Variants in SLC26A2 observed in about 807,000 individuals in gnomAD.
SLC26A2 encodes sulfate transporter.
SLC26A2 carries 36 observed loss-of-function variants against 41.1 expected under a neutral mutation model. The ratio of observed to expected loss-of-function variants is 0.88; its 90% CI spans 0.67 to 1.16. The LOEUF (loss-of-function observed/expected upper bound fraction) is 1.16. Ranked by LOEUF, SLC26A2 falls within the 50% of genes most tolerant of loss-of-function variation. The pLI is 0.00. For synonymous variants in SLC26A2, 291 were observed against 311.6 expected (o/e 0.93, Z 0.70); for missense variants, 796 against 869.6 (o/e 0.92, Z 1.07).
At chr5:149,970,616 C>T (rs1321026259) in intron 1 of SLC26A2, among the ~76,000 whole-genome samples, 1 of 152,114 alleles carries the variant, frequency 6.6e-6, no homozygotes, top group Non-Finnish European at 1.5e-5. Context: ...TACAGTGACC[C>T]TAAGAATGGA....
In SLC26A2 at chr5:149,981,095, T is replaced by C; in HGVS notation, c.1502T>C (p.Leu501Pro). ...GGAGCCCTTCGTAAATTTAGGGATC[T>C]TCCCAAAATGTGGAGTATTAGTAGA... The part of the protein sequence containing the change: ...LRGALRKFRD[L>P]PKMWSISRMD... Residue 501 changes from leucine to proline, a missense_variant, in exon 3 of 3, where the codon CTT becomes CCT. Physicochemically the swap from Leu to Pro is moderately conservative, Grantham distance 98. Coordinates refer to ENST00000286298, the MANE Select transcript of SLC26A2 (RefSeq NM_000112.4). The C allele has an allele frequency of 1.2e-6, 2 of 1,614,140 alleles. No homozygotes were observed. The highest frequency in any genetic ancestry group is 1.1e-5 in the South Asian group (1 of 91,076).
Position 149,974,276 on chromosome 5 carries a change from C to T in SLC26A2, c.-25-3352C>T, listed in dbSNP as rs184703462. On this transcript the variant is annotated intron_variant, in intron 1 of 2. Coordinates refer to ENST00000286298, the MANE Select transcript of SLC26A2 (RefSeq NM_000112.4). ...TCTGTATAAGTAATATATGTTTTTT[C>T]TTTGTCTTCAGGATTTTCTCTTTAT... Among the ~76,000 whole-genome samples, 486 of 151,994 alleles carry T rather than the reference C, an allele frequency of 3.2e-3. 3 individuals carry two copies. Among genetic ancestry groups the T allele is most frequent in the African/African-American group, 0.011 (466 of 41,490 alleles).
rs1194834917 is a variant in SLC26A2 at position 149,960,820 on chromosome 5, C to G, written c.-185C>G. The stretch of plus-strand genomic sequence containing the variant: ...TGCGTCCTCGCCGCGCCCGTAGGTC[C>G]CGGCAGCCGGGCCCCGCCTCCTTCG... On this transcript the variant is annotated 5_prime_UTR_variant, in exon 1 of 3. Coordinates refer to ENST00000286298, the MANE Select transcript of SLC26A2 (RefSeq NM_000112.4). The G allele has an allele frequency of 6.6e-6, 1 of 152,364 alleles. No individual in the cohort carries two copies. Among genetic ancestry groups the G allele is most frequent in the African/African-American group, 2.4e-5 (1 of 41,472 alleles). 9.4% of individuals were successfully genotyped at this position (152,364 alleles called of 1,614,324 possible). A position where few individuals can be genotyped will look rare whatever the true frequency, so the allele number is the denominator to read the frequency against.
Position 149,981,327 on chromosome 5 carries a change from C to A in SLC26A2, c.1734C>A (p.Ile578=), listed in dbSNP as rs781306656. The part of the protein sequence containing the change: ...AYKNLQIKPG[I]KIFRFVAPLY... Reference sequence around the variant, plus strand: ...AGAACCTTCAGATTAAGCCAGGCATCAAGATTTTCCGCTTTGTAGCCCCTC... The same window carrying A: ...AGAACCTTCAGATTAAGCCAGGCATAAAGATTTTCCGCTTTGTAGCCCCTC... The change falls in exon 3 of 3, where the codon ATC becomes ATA. Residue 578 remains isoleucine (I), a synonymous_variant. Coordinates refer to ENST00000286298, the MANE Select transcript of SLC26A2 (RefSeq NM_000112.4). 6.2e-7 allele frequency: 1 copy of A among 1,614,112 alleles called. No homozygotes were observed. The highest frequency in any genetic ancestry group is 8.5e-7 in the Non-Finnish European group (1 of 1,179,992).
rs910396619 is a variant in SLC26A2, at chr5:149,984,929, T to A, written c.*3116T>A. On this transcript the variant is annotated 3_prime_UTR_variant, in exon 3 of 3. Coordinates refer to ENST00000286298, the MANE Select transcript of SLC26A2 (RefSeq NM_000112.4). ...GTTTGTTACAGCCAAAGGGTTGGAG[T>A]GTGCCAGTGCACAGGTAGACTAAGG... 1.1e-4 allele frequency: 16 copies of A among 152,222 alleles called. No individual in the cohort carries two copies. The highest frequency in any genetic ancestry group is 3.4e-4 in the African/African-American group (14 of 41,436). The allele number at this position is 152,222 out of a possible 1,614,324, so 9.4% of individuals were successfully genotyped here.
intron 2 of SLC26A2, among the ~76,000 whole-genome samples, chr5:149,979,841 T>G (rs539262945): frequency 6.6e-6 from 1 of 152,378 alleles, no homozygotes; most frequent in African/African-American, 2.4e-5. Flanking sequence ...TGAGAAGCCG[T>G]AAGACTTCAC....
chr5:149,976,103 AG>A (rs1193869267), intron 1 of SLC26A2, among the ~76,000 whole-genome samples: 1 of 151,280 alleles, frequency 6.6e-6, no homozygotes, highest in Non-Finnish European at 1.5e-5. Flanking sequence ...GGTTGTAGTG[AG>A]CTGAGATTGC....
At chr5:149,975,893 C>T (rs192670398) in intron 1 of SLC26A2, among the ~76,000 whole-genome samples, 9 of 152,122 alleles carry the variant, frequency 5.9e-5, no homozygotes, top group South Asian at 4.1e-4. Context: ...TGCAGTGGCT[C>T]GTGCCTGTTA....
At chr5:149,979,932 G>A (rs1045067896) in intron 2 of SLC26A2, among the ~76,000 whole-genome samples, 1 of 151,958 alleles carries the variant, frequency 6.6e-6, no homozygotes, top group African/African-American at 2.4e-5. Context: ...AAGTTTTCTT[G>A]TGGATCCTTG....
Position 149,964,998 on chromosome 5 carries a change from A to G in SLC26A2, c.-26+4019A>G, listed in dbSNP as rs191142572. Among the ~76,000 whole-genome samples the G allele has an allele frequency of 3.3e-5, 5 of 152,348 alleles. No individual in the cohort carries two copies. The East Asian group carries it at 7.7e-4, about 23-fold the overall frequency. On this transcript the variant is annotated intron_variant, in intron 1 of 2. Coordinates refer to ENST00000286298, the MANE Select transcript of SLC26A2 (RefSeq NM_000112.4). Reference sequence around the variant, plus strand: ...CAATAATGACAAAACCCATATAAGTATGGAGAGAGAGTGTGTTAACATCTT... The same window carrying G: ...CAATAATGACAAAACCCATATAAGTGTGGAGAGAGAGTGTGTTAACATCTT...
intron 1 of SLC26A2, among the ~76,000 whole-genome samples, chr5:149,966,576 TG>T (rs1177456086): frequency 2.6e-5 from 4 of 152,084 alleles, no homozygotes; most frequent in African/African-American, 9.7e-5. Flanking sequence ...CTGAAATGCT[TG>T]GGACTGGCAG....
chr5:149,966,547 C>G (rs1206028651), intron 1 of SLC26A2, among the ~76,000 whole-genome samples: 1 of 152,182 alleles, frequency 6.6e-6, no homozygotes, highest in African/African-American at 2.4e-5. Context: ...AATCCCAGTA[C>G]AGGTTGAGTA....
In SLC26A2 at chr5:149,985,976, G is replaced by T. The variant is rs1755191667; in HGVS notation, c.*4163G>T. 1 of 152,130 alleles carries T rather than the reference G, an allele frequency of 6.6e-6. No individual in the cohort carries two copies. The highest frequency in any genetic ancestry group is 1.5e-5 in the Non-Finnish European group (1 of 68,046). The allele number at this position is 152,130 out of a possible 1,614,324, so 9.4% of individuals were successfully genotyped here. On this transcript the variant is annotated 3_prime_UTR_variant, in exon 3 of 3. Transcript: ENST00000286298. ...TCAGGGAAAGATTTCAGTGTGAAAT[G>T]GTAAACATCCAATTGACAGGATTTA...
In SLC26A2 at chr5:149,983,635, A is replaced by T. The variant is rs1301137224; in HGVS notation, c.*1822A>T. The T allele has an allele frequency of 6.6e-6, 1 of 152,062 alleles. No individual in the cohort carries two copies. The highest frequency in any genetic ancestry group is 1.5e-5 in the Non-Finnish European group (1 of 68,026). 9.4% of individuals were successfully genotyped at this position (152,062 alleles called of 1,614,324 possible). On this transcript the variant is annotated 3_prime_UTR_variant, in exon 3 of 3. Coordinates refer to ENST00000286298, the MANE Select transcript of SLC26A2 (RefSeq NM_000112.4). Reference sequence around the variant, plus strand: ...GAGACAGTCATCCAGGCCAGAGTGCAGTTTGATGATAGCTTACTGAAGCTT... The same window carrying T: ...GAGACAGTCATCCAGGCCAGAGTGCTGTTTGATGATAGCTTACTGAAGCTT...
intron 1 of SLC26A2, among the ~76,000 whole-genome samples, chr5:149,961,622 A>T (rs1283228372): frequency 6.6e-6 from 1 of 152,188 alleles, no homozygotes; most frequent in African/African-American, 2.4e-5. Context: ...CCTTCCTTGC[A>T]CAGATTGGGG....
At chr5:149,970,957 T>C (rs748307193) in intron 1 of SLC26A2, among the ~76,000 whole-genome samples, 3 of 152,176 alleles carry the variant, frequency 2.0e-5, no homozygotes, top group Non-Finnish European at 2.9e-5. Context: ...TTAAAATATG[T>C]GTGTAATTTA....
rs978424390 is a variant in SLC26A2 at position 149,977,747 on chromosome 5, A to T, written c.95A>T (p.Gln32Leu). 9.9e-6 allele frequency: 16 copies of T among 1,613,878 alleles called. No homozygotes were observed. The Admixed American group carries it at 2.5e-4, about 25-fold the overall frequency. ...CCATCTGGGATCCATCTGGAACTTC[A>T]AAGGGAATCAAGTACTGACTTCAAG... ...SYPSGIHLEL[Q>L]RESSTDFKQF... The change falls in exon 2 of 3, where the codon CAA becomes CTA. Residue 32 changes from glutamine to leucine, a missense_variant. Gln to Leu is a moderately radical substitution (Grantham distance 113). Transcript: ENST00000286298.
chr5:149,965,175 G>T (rs1042168078), intron 1 of SLC26A2, among the ~76,000 whole-genome samples: 3 of 152,160 alleles, frequency 2.0e-5, no homozygotes, highest in Non-Finnish European at 4.4e-5. Context: ...TTCAAGTCAT[G>T]ATTCCCCTAC....
intron 2 of SLC26A2, 144 bp from the exon 3 acceptor site, chr5:149,980,149 G>T: frequency 1.4e-6 from 1 of 720,164 alleles, no homozygotes; most frequent in East Asian, 2.6e-5. Context: ...AAAATGAGAA[G>T]ATTGATATAT....
Sources: gnomAD v4.1 joint callset for allele counts (sites outside exome capture counted in the v4.1 genomes callset) on GRCh38, gnomAD v4.1.1 for gene constraint, MANE v1.5 for transcripts, NCBI Gene and HGNC (gene_info 2026-07-23, HGNC 2026-07-21) for gene names.